The following PPP2R2B variants were observed in gnomAD, a reference collection of about 807,000 sequenced individuals.
PPP2R2B encodes protein phosphatase 2 regulatory subunit Bbeta, also known as serine/threonine-protein phosphatase 2A 55 kDa regulatory subunit B beta isoform.
In PPP2R2B, 5 loss-of-function variants were observed where a neutral mutation model predicts 46.0. The ratio of observed to expected loss-of-function variants is 0.11; its 90% CI spans 0.06 to 0.23. The LOEUF is 0.23. Among genes scored for constraint, PPP2R2B ranks in the 10% least tolerant of loss-of-function variants. PPP2R2B has a pLI of 1.00. For missense variants in PPP2R2B, 367 were observed against 575.0 expected, an observed-to-expected ratio of 0.64 and a Z score of 3.70; for synonymous variants, 215 against 206.7, an observed-to-expected ratio of 1.04 and a Z score of -0.34.
chr5:146,670,476 ATTATTTATTTATTTAT>A (rs58516893), intron 5 of PPP2R2B, among the ~76,000 whole-genome samples: 1 of 144,184 alleles, frequency 6.9e-6, no homozygotes, highest in Admixed American at 7.0e-5. Context: ...TATGTGTACT[ATTATTTATTTATTTAT>A]TTATTTATTT....
chr5:146,708,667 G>A (rs1490445212), intron 2 of PPP2R2B, among the ~76,000 whole-genome samples: 1 of 151,298 alleles, frequency 6.6e-6, no homozygotes, highest in African/African-American at 2.4e-5. Context: ...TAGATACAGT[G>A]TCTCTATTGA....
chr5:146,824,549 G>A (rs537319425), intron 2 of PPP2R2B, among the ~76,000 whole-genome samples: 2 of 152,204 alleles, frequency 1.3e-5, no homozygotes, highest in South Asian at 2.1e-4. Flanking sequence ...TTGAGTTTTG[G>A]GGGAAAGCAT....
chr5:146,801,454 C>A (rs908515587), intron 2 of PPP2R2B, among the ~76,000 whole-genome samples: 9 of 152,112 alleles, frequency 5.9e-5, no homozygotes, highest in African/African-American at 2.2e-4. Context: ...ACAATTTTAA[C>A]TGTCAAATAT....
intron 2 of PPP2R2B, among the ~76,000 whole-genome samples, chr5:146,855,313 C>G (rs1468601137): frequency 6.6e-6 from 1 of 152,148 alleles, no homozygotes; most frequent in Admixed American, 6.5e-5. Context: ...GCAAAACCTG[C>G]TCTTATTATT....
chr5:146,903,018 A>G (rs1229741447), intron 1 of PPP2R2B, among the ~76,000 whole-genome samples: 2 of 152,134 alleles, frequency 1.3e-5, no homozygotes, highest in Non-Finnish European at 2.9e-5. Context: ...TTTCCCAGGC[A>G]CTCTGTGATA....
intron 2 of PPP2R2B, among the ~76,000 whole-genome samples, chr5:146,765,718 G>C (rs567410025): frequency 6.6e-6 from 1 of 152,292 alleles, no homozygotes; most frequent in African/African-American, 2.4e-5. Context: ...CAGATTTGTA[G>C]AGAAGATAGT....
chr5:146,698,983 T>C (rs908229434), intron 3 of PPP2R2B, among the ~76,000 whole-genome samples: 2 of 151,684 alleles, frequency 1.3e-5, no homozygotes, highest in Non-Finnish European at 2.9e-5. Context: ...AAACAGGATG[T>C]GAAAGAAAGA....
At chr5:147,043,611 A>G (rs1317007119) in intron 1 of PPP2R2B, among the ~76,000 whole-genome samples, 1 of 152,170 alleles carries the variant, frequency 6.6e-6, no homozygotes, top group Non-Finnish European at 1.5e-5. Context: ...GGGTAGGACC[A>G]GGAGGTCTTT....
intron 2 of PPP2R2B, among the ~76,000 whole-genome samples, chr5:146,857,326 G>A (rs319241): frequency 0.49 from 74,112 of 151,900 alleles, 19,817 homozygotes; most frequent in East Asian, 0.72. Flanking sequence ...CAAAATAAAC[G>A]TGTAAGATTA....
In PPP2R2B at chr5:146,795,427, C is replaced by A. The variant is rs188147302; in HGVS notation, c.70+82575G>T. On this transcript the variant is annotated intron_variant, in intron 2 of 9. Transcript: ENST00000394411. Reference sequence around the variant, plus strand: ...AATACATTACGCCAAATGAAATGAACCACACACAGAAAGACAATACTGCAT... The same window carrying A: ...AATACATTACGCCAAATGAAATGAAACACACACAGAAAGACAATACTGCAT... Among the ~76,000 whole-genome samples, 43 of 152,126 alleles carry A rather than the reference C, an allele frequency of 2.8e-4. 1 individual carries two copies. Among genetic ancestry groups the A allele is most frequent in the Admixed American group, 2.6e-3 (39 of 15,268 alleles).
At chr5:146,874,395 T>A (rs1215672076) in intron 2 of PPP2R2B, among the ~76,000 whole-genome samples, 1 of 152,216 alleles carries the variant, frequency 6.6e-6, no homozygotes, top group Non-Finnish European at 1.5e-5. Context: ...GACAGTTTTT[T>A]AAAAAGGCTT....
At chr5:146,645,360 G>A (rs1157214535) in intron 6 of PPP2R2B, among the ~76,000 whole-genome samples, 1 of 152,126 alleles carries the variant, frequency 6.6e-6, no homozygotes, top group Non-Finnish European at 1.5e-5. Context: ...TCTCTTAAGA[G>A]CTTAAAAAAA....
intron 3 of PPP2R2B, among the ~76,000 whole-genome samples, chr5:146,698,960 G>C (rs1323861836): frequency 1.3e-5 from 2 of 151,798 alleles, no homozygotes; most frequent in Non-Finnish European, 2.9e-5. Context: ...AAGAAAGGAA[G>C]AGAGGAGAAA....
chr5:146,960,085 C>T (rs1752101143), intron 1 of PPP2R2B, among the ~76,000 whole-genome samples: 1 of 152,126 alleles, frequency 6.6e-6, no homozygotes, highest in Admixed American at 6.5e-5. Flanking sequence ...TTAGATAATA[C>T]TACATTGTTT....
intron 1 of PPP2R2B, among the ~76,000 whole-genome samples, chr5:146,931,195 A>ACAG (rs1763958740): frequency 6.6e-6 from 1 of 152,146 alleles, no homozygotes; most frequent in Admixed American, 6.5e-5. Context: ...CTTCCGCAAT[A>ACAG]ATACATTGGC....
At chr5:146,936,709 G>C (rs1011641418) in intron 1 of PPP2R2B, among the ~76,000 whole-genome samples, 1 of 151,974 alleles carries the variant, frequency 6.6e-6, no homozygotes, top group African/African-American at 2.4e-5. Context: ...TAGCCCCTAC[G>C]GCTGTGGGCT....
chr5:146,885,224 C>T (rs1031158353), intron 1 of PPP2R2B, among the ~76,000 whole-genome samples: 1 of 152,134 alleles, frequency 6.6e-6, no homozygotes, highest in Non-Finnish European at 1.5e-5. Flanking sequence ...TTTACTGAGG[C>T]TAATAGAGGT....
rs1052110158 is a variant in PPP2R2B, at chr5:146,628,385, C to T, written c.790+9866G>A. 2.6e-5 allele frequency among the ~76,000 whole-genome samples: 4 copies of T among 152,198 alleles called. No individual in the cohort carries two copies. The South Asian group carries it at 8.3e-4, about 32-fold the overall frequency. On this transcript the variant is annotated intron_variant, in intron 7 of 9. Transcript: ENST00000394411. ...CTGTGGCCAATCCTTGGGCTGCAGACTTGCCAATGCAGAAGGGCCTTGCTG... is the reference window on the plus strand; with the variant it reads ...CTGTGGCCAATCCTTGGGCTGCAGATTTGCCAATGCAGAAGGGCCTTGCTG...
upstream of PPP2R2B, among the ~76,000 whole-genome samples, chr5:146,880,173 G>C (rs1258411321): frequency 7.4e-6 from 1 of 134,896 alleles, no homozygotes. Flanking sequence ...CCTTGACATA[G>C]TTATTTTGTG....
Sources: allele counts gnomAD v4.1 joint callset (sites outside exome capture counted in the v4.1 genomes callset), GRCh38; gene constraint gnomAD v4.1.1; transcripts MANE v1.5; gene names NCBI Gene and HGNC (gene_info 2026-07-23, HGNC 2026-07-21).